Variants in IL1RAPL2 observed in about 807,000 individuals in gnomAD.
IL1RAPL2 encodes X-linked interleukin-1 receptor accessory protein-like 2.
In IL1RAPL2, 3 loss-of-function variants were observed where a neutral mutation model predicts 44.1. The ratio of observed to expected loss-of-function variants is 0.07; its 90% CI spans 0.03 to 0.18. The LOEUF (loss-of-function observed/expected upper bound fraction) is 0.18, where lower values mean the gene tolerates loss of function less well. Among genes scored for constraint, IL1RAPL2 ranks in the 10% least tolerant of loss-of-function variants. IL1RAPL2 has a pLI of 1.00. For missense variants in IL1RAPL2, 391 were observed against 496.4 expected (o/e 0.79, Z 2.02); for synonymous variants, 181 against 178.8 (o/e 1.01, Z -0.10).
intron 5 of IL1RAPL2, among the ~76,000 whole-genome samples, chrX:105,326,543 C>T (rs1049198755): frequency 9.0e-6 from 1 of 111,616 alleles, no homozygotes; most frequent in African/African-American, 3.3e-5. Context: ...ACACTTTTAG[C>T]TCTTACATGT....
At chrX:105,049,922 A>G (rs1232668439) in intron 2 of IL1RAPL2, among the ~76,000 whole-genome samples, 1 of 111,684 alleles carries the variant, frequency 9.0e-6, no homozygotes, top group Non-Finnish European at 1.9e-5. Context: ...TTAAAAAAAA[A>G]TAGTAAACTA....
At chrX:105,563,300 G>T (rs897352533) in intron 6 of IL1RAPL2, among the ~76,000 whole-genome samples, 1 of 111,596 alleles carries the variant, frequency 9.0e-6, no homozygotes, top group Non-Finnish European at 1.9e-5. Context: ...AAGAGCTAGA[G>T]TTTGAACTCA....
chrX:105,390,911 T>G (rs1022588228), intron 5 of IL1RAPL2, among the ~76,000 whole-genome samples: 1 of 111,188 alleles, frequency 9.0e-6, no homozygotes, highest in Non-Finnish European at 1.9e-5. Flanking sequence ...GTTATAAAAA[T>G]TAATAAGAAA....
At chrX:104,775,032 G>A (rs999668720) in intron 2 of IL1RAPL2, among the ~76,000 whole-genome samples, 1 of 112,183 alleles carries the variant, frequency 8.9e-6, no homozygotes, top group African/African-American at 3.2e-5. Context: ...GACTTTTAAT[G>A]TGCACCGAGT....
intron 3 of IL1RAPL2, among the ~76,000 whole-genome samples, chrX:105,233,014 C>A (rs782667603): frequency 8.9e-6 from 1 of 112,114 alleles, no homozygotes; most frequent in African/African-American, 3.2e-5. Context: ...GTTGGCCAGG[C>A]GCCGTGGCTC....
intron 2 of IL1RAPL2, among the ~76,000 whole-genome samples, chrX:105,165,004 A>G (rs113737137): frequency 0.08 from 8,928 of 111,256 alleles, 872 homozygotes; most frequent in African/African-American, 0.28. Flanking sequence ...CTCCAGCTCA[A>G]TGTATCTAAA....
chrX:105,261,482 G>T (rs868128039), intron 4 of IL1RAPL2, among the ~76,000 whole-genome samples: 6 of 93,772 alleles, frequency 6.4e-5, no homozygotes, highest in Non-Finnish European at 1.1e-4. Flanking sequence ...CTGTTTTTTT[G>T]TTTGTTTGTT....
At position 104,657,278 on chromosome X, in the gene IL1RAPL2, T is replaced by C. The variant is rs1930285521; in HGVS notation, c.-19-1617T>C. Among the ~76,000 whole-genome samples, 4 of 111,498 alleles carry C rather than the reference T, an allele frequency of 3.6e-5. No individual in the cohort carries two copies. The Admixed American group carries it at 3.8e-4, about 11-fold the overall frequency. On this transcript the variant is annotated intron_variant, in intron 1 of 10. Transcript: ENST00000372582. ...TGGTACTGGTACGAAAACAGAGATA[T>C]AGATCAATGGAACAGAACAGAGGCC... is the stretch of plus-strand genomic sequence containing the variant.
intron 6 of IL1RAPL2, among the ~76,000 whole-genome samples, chrX:105,581,235 T>C (rs1287847999): frequency 8.9e-6 from 1 of 111,999 alleles, no homozygotes; most frequent in Non-Finnish European, 1.9e-5. Flanking sequence ...ACTTTAAAAA[T>C]GATATTGATA....
intron 6 of IL1RAPL2, among the ~76,000 whole-genome samples, chrX:105,488,308 T>C (rs1213915818): frequency 8.9e-6 from 1 of 112,226 alleles, no homozygotes. Flanking sequence ...ACCACCATGC[T>C]GTTTGAAGTT....
intron 4 of IL1RAPL2, among the ~76,000 whole-genome samples, chrX:105,259,669 C>T (rs771403877): frequency 4.5e-5 from 5 of 111,404 alleles, no homozygotes; most frequent in African/African-American, 1.3e-4. Context: ...CTGGCCTCCT[C>T]TCCTTGGGTC....
chrX:105,585,833 G>A (rs2037124140), intron 6 of IL1RAPL2, among the ~76,000 whole-genome samples: 1 of 112,304 alleles, frequency 8.9e-6, no homozygotes, highest in African/African-American at 3.2e-5. Context: ...ACATATGCAT[G>A]TGTGTATCTT....
chrX:104,798,665 C>CA (rs1287321914), intron 2 of IL1RAPL2, among the ~76,000 whole-genome samples: 16 of 110,112 alleles, frequency 1.5e-4, no homozygotes, highest in African/African-American at 6.6e-5. Context: ...GACTCCGTCT[C>CA]AAAAAAAAAT....
intron 2 of IL1RAPL2, among the ~76,000 whole-genome samples, chrX:105,084,914 G>C (rs1428056142): frequency 9.0e-6 from 1 of 111,222 alleles, no homozygotes; most frequent in African/African-American, 3.3e-5. Context: ...TCCCTAGGCT[G>C]TTCTCATCAT....
chrX:105,537,147 T>C (rs954115593), intron 6 of IL1RAPL2, among the ~76,000 whole-genome samples: 8 of 112,043 alleles, frequency 7.1e-5, no homozygotes, highest in African/African-American at 2.6e-4. Context: ...GGTCTTTTCC[T>C]TTAGAGAATG....
At chrX:104,844,626 A>G (rs1260690187) in intron 2 of IL1RAPL2, among the ~76,000 whole-genome samples, 1 of 110,277 alleles carries the variant, frequency 9.1e-6, no homozygotes, top group East Asian at 2.9e-4. Flanking sequence ...AAAACAGAAA[A>G]CAAAAACACA....
At chrX:104,887,566 C>A (rs184188313) in intron 2 of IL1RAPL2, among the ~76,000 whole-genome samples, 5 of 111,203 alleles carry the variant, frequency 4.5e-5, no homozygotes, top group African/African-American at 6.5e-5. Context: ...TACTAGGTGC[C>A]AAAGAAAGTT....
At chrX:104,585,321 T>TATATATTATATA (rs1569487947) in intron 1 of IL1RAPL2, among the ~76,000 whole-genome samples, 326 of 19,286 alleles carry the variant, frequency 0.017, 11 homozygotes, top group Non-Finnish European at 0.021. Flanking sequence ...TAATATATAT[T>TATATATTATATA]ATATATAATA....
At chrX:105,625,029 T>A (rs1569459573) in intron 6 of IL1RAPL2, among the ~76,000 whole-genome samples, 1 of 112,074 alleles carries the variant, frequency 8.9e-6, no homozygotes, top group African/African-American at 3.2e-5. Context: ...ATCCTTCACA[T>A]CCAAATTTAT....
Sources: gnomAD v4.1 joint callset for allele counts (sites outside exome capture counted in the v4.1 genomes callset) on GRCh38, gnomAD v4.1.1 for gene constraint, MANE v1.5 for transcripts, NCBI Gene and HGNC (gene_info 2026-07-23, HGNC 2026-07-21) for gene names.